The following CRIM1 variants were observed in gnomAD, a reference collection of about 807,000 sequenced individuals.
CRIM1 encodes the protein cysteine rich transmembrane BMP regulator 1.
In CRIM1, 32 loss-of-function variants were observed where a neutral mutation model predicts 116.4. That is an observed-to-expected ratio of 0.27 (90% CI 0.21 to 0.37). The LOEUF is 0.37. Ranked by LOEUF, CRIM1 falls within the 10% of genes least tolerant of loss-of-function variation. The pLI is 1.00. For missense variants in CRIM1, 1,331 were observed against 1,354.8 expected (o/e 0.98, Z 0.28); for synonymous variants, 590 against 509.2 (o/e 1.16, Z -2.13).
At chr2:36,523,647 G>A (rs1341742767) in intron 13 of CRIM1, among the ~76,000 whole-genome samples, 1 of 152,230 alleles carries the variant, frequency 6.6e-6, no homozygotes, top group East Asian at 1.9e-4. Flanking sequence ...AGTAGCAGAT[G>A]AAAAAGTTTA....
chr2:36,469,820 T>G (rs1047842545), intron 5 of CRIM1, among the ~76,000 whole-genome samples: 1 of 152,212 alleles, frequency 6.6e-6, no homozygotes, highest in Non-Finnish European at 1.5e-5. Context: ...CTCGTGTTCC[T>G]GGGGCCTTGT....
At chr2:36,544,232 T>C in intron 14 of CRIM1, 144 bp from the exon 15 acceptor site, 2 of 589,590 alleles carry the variant, frequency 3.4e-6, no homozygotes. Context: ...GCATGAGTGA[T>C]GAATGATGTA....
rs890985048 is a variant in CRIM1, at chr2:36,516,636, T to C, written c.1991-691T>C. On this transcript the variant is annotated intron_variant, in intron 11 of 16. Coordinates refer to ENST00000280527, the MANE Select transcript of CRIM1 (RefSeq NM_016441.3). ...GTCTCAGGTGAGGGTTTTCAGACTG[T>C]TGATTCTACAGGAGCATTCCTGCTC... Among the ~76,000 whole-genome samples, 18 of 152,194 alleles carry C rather than the reference T, an allele frequency of 1.2e-4. 1 individual carries two copies. The highest frequency in any genetic ancestry group is 6.5e-5 in the Admixed American group (1 of 15,282).
At chr2:36,457,550 A>G (rs185232699) in intron 4 of CRIM1, among the ~76,000 whole-genome samples, 112 of 152,254 alleles carry the variant, frequency 7.4e-4, no homozygotes, top group East Asian at 3.3e-3. Context: ...CCAGGAAATC[A>G]CGCAGGAATA....
chr2:36,387,015 G>A (rs1206594774), intron 1 of CRIM1, among the ~76,000 whole-genome samples: 3 of 152,186 alleles, frequency 2.0e-5, no homozygotes, highest in African/African-American at 7.2e-5. Flanking sequence ...AGTTTGCTGG[G>A]ATCAAGTCTA....
intron 1 of CRIM1, among the ~76,000 whole-genome samples, chr2:36,366,755 G>A (rs1259968065): frequency 6.6e-6 from 1 of 152,160 alleles, no homozygotes; most frequent in Admixed American, 6.5e-5. Flanking sequence ...ACAGCAAAAC[G>A]TTTCACAGCT....
chr2:36,530,361 A>G lies in CRIM1; in HGVS notation c.2429-6991A>G, dbSNP rs556767835. 4.6e-5 allele frequency among the ~76,000 whole-genome samples: 7 copies of G among 152,238 alleles called. No homozygotes were observed. The East Asian group carries it at 1.2e-3, about 25-fold the overall frequency. On this transcript the variant is annotated intron_variant, in intron 13 of 16. Transcript: ENST00000280527. Reference sequence around the variant, plus strand: ...AGATCCCTGCATCATTACAATTTCCATGTGTTTAAGTCTCTTCTTTATGTT... The same window carrying G: ...AGATCCCTGCATCATTACAATTTCCGTGTGTTTAAGTCTCTTCTTTATGTT...
At chr2:36,523,073 G>A (rs886681880) in intron 13 of CRIM1, among the ~76,000 whole-genome samples, 1 of 151,368 alleles carries the variant, frequency 6.6e-6, no homozygotes, top group African/African-American at 2.4e-5. Flanking sequence ...TCCTGCCTCA[G>A]CCTCCCTAGT....
chr2:36,369,662 A>G (rs965968629), intron 1 of CRIM1, among the ~76,000 whole-genome samples: 1 of 152,244 alleles, frequency 6.6e-6, no homozygotes, highest in Admixed American at 6.5e-5. Context: ...ATATAGGAAC[A>G]TTCGAGAAGA....
chr2:36,546,767 T>A (rs1302993622), intron 15 of CRIM1, among the ~76,000 whole-genome samples: 12 of 64,360 alleles, frequency 1.9e-4, no homozygotes, highest in African/African-American at 7.0e-4. Context: ...ACTCTGATTT[T>A]TTTTTTTTTT....
Position 36,510,077 on chromosome 2 carries a change from C to T in CRIM1, c.1596C>T (p.Cys532=). 6.2e-7 allele frequency: 1 copy of T among 1,614,152 alleles called. No individual in the cohort carries two copies. The highest frequency in any genetic ancestry group is 8.5e-7 in the Non-Finnish European group (1 of 1,180,006). ...TDAQNCEICE[C]RPRPKKCRPI... is the part of the protein sequence containing the mutation. ...CCCAAAACTGTGAGATCTGTGAGTG[C>T]CGCCCAAGGCCCAAGAAGTGCAGAC... The change falls in exon 9 of 17, where the codon TGC becomes TGT. Residue 532 remains cysteine, a synonymous_variant. Coordinates refer to ENST00000280527, the MANE Select transcript of CRIM1 (RefSeq NM_016441.3).
At chr2:36,486,450 A>T (rs1005429255) in intron 7 of CRIM1, among the ~76,000 whole-genome samples, 15 of 152,258 alleles carry the variant, frequency 9.9e-5, no homozygotes, top group Admixed American at 2.0e-4. Flanking sequence ...TTTACGAGTA[A>T]AAATGAAGAT....
chr2:36,359,254 C>T (rs570633779), intron 1 of CRIM1, among the ~76,000 whole-genome samples: 5 of 152,264 alleles, frequency 3.3e-5, no homozygotes, highest in African/African-American at 1.2e-4. Context: ...CTCTTGAAAA[C>T]TTATTTAATT....
Position 36,513,616 on chromosome 2 carries a change from A to C in CRIM1, c.1841A>C (p.His614Pro), listed in dbSNP as rs1397279881. The change falls in exon 11 of 17, where the codon CAT (histidine) becomes CCT (proline). Residue 614 changes from histidine to proline, a missense_variant. His to Pro is a moderately conservative substitution (Grantham distance 77). Coordinates refer to ENST00000280527, the MANE Select transcript of CRIM1 (RefSeq NM_016441.3). ...GGCACTTGTCTCACCGTGGATGGTC[A>C]TCATCATAAAAATGAGGAGAGCTGG... The part of the protein sequence containing the change: ...LSGTCLTVDG[H>P]HHKNEESWHD... The C allele has an allele frequency of 1.2e-6, 2 of 1,614,128 alleles. No homozygotes were observed. Among genetic ancestry groups the C allele is most frequent in the Non-Finnish European group, 1.7e-6 (2 of 1,180,014 alleles).
chr2:36,475,590 C>A (rs193268437), intron 5 of CRIM1, among the ~76,000 whole-genome samples: 1 of 152,206 alleles, frequency 6.6e-6, no homozygotes, highest in East Asian at 1.9e-4. Flanking sequence ...TTCCTAATTG[C>A]TCTGGCTAGA....
In CRIM1 at chr2:36,550,054, T is replaced by C. The variant is rs1201554267; in HGVS notation, c.*1353T>C. ...GTGAGAGTATGTATGTGTGTGTGTG[T>C]GTGTGTGTGTGTGCGCGCGCACGCA... On this transcript the variant is annotated 3_prime_UTR_variant, in exon 17 of 17. Coordinates refer to ENST00000280527, the MANE Select transcript of CRIM1 (RefSeq NM_016441.3). 1 of 147,910 alleles carries C rather than the reference T, an allele frequency of 6.8e-6. No individual in the cohort carries two copies. Among genetic ancestry groups the C allele is most frequent in the South Asian group, 2.3e-4 (1 of 4,360 alleles). The allele number at this position is 147,910 out of a possible 1,614,324, so 9.2% of individuals were successfully genotyped here.
intron 2 of CRIM1, among the ~76,000 whole-genome samples, chr2:36,414,715 C>T (rs1037759604): frequency 2.0e-5 from 3 of 152,112 alleles, no homozygotes; most frequent in Non-Finnish European, 4.4e-5. Flanking sequence ...TGTTCAGTGA[C>T]CCCAGTATGG....
At chr2:36,357,125 CTTA>C (rs962612723) in intron 1 of CRIM1, among the ~76,000 whole-genome samples, 1 of 152,194 alleles carries the variant, frequency 6.6e-6, no homozygotes, top group Non-Finnish European at 1.5e-5. Context: ...CCGAGTGACT[CTTA>C]TTATTTTTTC....
intron 2 of CRIM1, among the ~76,000 whole-genome samples, chr2:36,406,303 A>G (rs1369708295): frequency 1.3e-5 from 2 of 152,172 alleles, no homozygotes; most frequent in African/African-American, 4.8e-5. Flanking sequence ...TGTACATTTT[A>G]TAAGGTTTAT....
Sources: allele counts gnomAD v4.1 joint callset (sites outside exome capture counted in the v4.1 genomes callset), GRCh38; gene constraint gnomAD v4.1.1; transcripts MANE v1.5; gene names NCBI Gene and HGNC (gene_info 2026-07-23, HGNC 2026-07-21).